Variants in STX12 observed in about 807,000 individuals in gnomAD.
STX12 encodes the protein syntaxin-12.
In STX12, 17 loss-of-function variants were observed where a neutral mutation model predicts 42.2. That is an observed-to-expected ratio of 0.40 (90% confidence interval 0.28 to 0.60). The LOEUF is 0.60. Among genes scored for constraint, STX12 ranks in the 20% least tolerant of loss-of-function variants. The pLI is 0.39. For synonymous variants in STX12, 108 were observed against 116.7 expected (o/e 0.93, Z 0.48); for missense variants, 297 against 330.9 (o/e 0.90, Z 0.79).
At chr1:27,776,545 C>T (rs935931116) in intron 1 of STX12, among the ~76,000 whole-genome samples, 5 of 151,906 alleles carry the variant, frequency 3.3e-5, no homozygotes, top group African/African-American at 1.2e-4. Context: ...GAGACCCCAT[C>T]TCTACAAAAA....
chr1:27,808,594 G>A (rs1046493718), intron 4 of STX12, among the ~76,000 whole-genome samples: 27 of 151,954 alleles, frequency 1.8e-4, no homozygotes, highest in Admixed American at 1.6e-3. Flanking sequence ...TGCCCACCTC[G>A]GCCTCTCAAA....
At position 27,822,595 on chromosome 1, in the gene STX12, G is replaced by A. The variant is rs192463885; in HGVS notation, c.*266G>A. ...GTATTCTGATTGCCCTTCATCCCAA[G>A]TGTTTACTGAAAATTCCATTCTAGA... On this transcript the variant is annotated 3_prime_UTR_variant, in exon 9 of 9. Coordinates refer to ENST00000373943, the MANE Select transcript of STX12 (RefSeq NM_177424.3). 1.9e-3 allele frequency: 591 copies of A among 310,314 alleles called. 5 individuals carry two copies. Among genetic ancestry groups the A allele is most frequent in the African/African-American group, 0.012 (547 of 47,480 alleles). 19.2% of individuals were successfully genotyped at this position (310,314 alleles called of 1,614,324 possible).
In STX12 at chr1:27,773,391, G is replaced by T; in HGVS notation, c.84G>T (p.Thr28=). 6.2e-7 allele frequency: 1 copy of T among 1,613,708 alleles called. No individual in the cohort carries two copies. Residue 28 remains threonine (T), a synonymous_variant, in exon 1 of 9, where the codon ACG becomes ACT. Coordinates refer to ENST00000373943, the MANE Select transcript of STX12 (RefSeq NM_177424.3). ...QLRDFSSIIQ[T]CSGNIQRISQ... ...GGGACTTCAGCAGCATCATCCAGACGTGCAGCGGCAACATCCAGCGGATCA... is the reference window on the plus strand; with the variant it reads ...GGGACTTCAGCAGCATCATCCAGACTTGCAGCGGCAACATCCAGCGGATCA...
At chr1:27,782,849 C>T in intron 1 of STX12, among the ~76,000 whole-genome samples, 1 of 152,030 alleles carries the variant, frequency 6.6e-6, no homozygotes, top group East Asian at 1.9e-4. Context: ...AAAAATGAAA[C>T]ATTTTTTAAA....
intron 3 of STX12, among the ~76,000 whole-genome samples, chr1:27,799,551 C>T (rs1036836236): frequency 2.0e-5 from 3 of 148,966 alleles, no homozygotes. Flanking sequence ...GGCGCGATCT[C>T]AGCTCACTGC....
At chr1:27,818,790 C>T (rs532317582) in intron 7 of STX12, among the ~76,000 whole-genome samples, 19 of 151,954 alleles carry the variant, frequency 1.3e-4, no homozygotes, top group Admixed American at 3.3e-4. Flanking sequence ...CCACCACGCC[C>T]GCTAATTTTG....
intron 3 of STX12, among the ~76,000 whole-genome samples, chr1:27,794,037 G>A (rs1033905948): frequency 1.4e-5 from 2 of 141,048 alleles, no homozygotes; most frequent in African/African-American, 2.7e-5. Flanking sequence ...TGTTGTTGTC[G>A]TTTTGGAGAC....
chr1:27,810,990 TATA>T (rs1297505832), intron 5 of STX12, among the ~76,000 whole-genome samples: 8 of 152,022 alleles, frequency 5.3e-5, no homozygotes, highest in Non-Finnish European at 1.2e-4. Flanking sequence ...TTATATCTAG[TATA>T]ATAAGTAATA....
chr1:27,781,281 C>T (rs917218724), intron 1 of STX12, among the ~76,000 whole-genome samples: 2 of 152,036 alleles, frequency 1.3e-5, no homozygotes, highest in African/African-American at 2.4e-5. Flanking sequence ...TGACGTCAGG[C>T]GATTTGCCCA....
intron 4 of STX12, among the ~76,000 whole-genome samples, chr1:27,804,810 CAA>C (rs975417288): frequency 1.1e-4 from 13 of 119,778 alleles, no homozygotes; most frequent in African/African-American, 9.4e-5. Flanking sequence ...GACTCCATCT[CAA>C]AAAAAAAAAA....
intron 1 of STX12, among the ~76,000 whole-genome samples, chr1:27,780,209 G>GT (rs199499561): frequency 0.053 from 6,610 of 125,856 alleles, 656 homozygotes; most frequent in African/African-American, 0.17. Context: ...TTCTTTGCTT[G>GT]TTTTTTTTTT....
chr1:27,776,079 A>G (rs2088626251), intron 1 of STX12, among the ~76,000 whole-genome samples: 1 of 152,212 alleles, frequency 6.6e-6, no homozygotes, highest in Admixed American at 6.5e-5. Context: ...TGTGAAAATG[A>G]AAAGAAAGGA....
At chr1:27,811,123 C>G (rs1174849999) in intron 5 of STX12, among the ~76,000 whole-genome samples, 1 of 151,474 alleles carries the variant, frequency 6.6e-6, no homozygotes, top group African/African-American at 2.4e-5. Flanking sequence ...AGTTCGAGAC[C>G]AGCCTGGCCA....
Position 27,812,276 on chromosome 1 carries a change from C to T in STX12, c.576+8C>T. ...GCAATTCGGCAGCTGGAGGTGAGAGCCACGTCATGTTTTTTGTTTGACTCA... is the reference window on the plus strand; with the variant it reads ...GCAATTCGGCAGCTGGAGGTGAGAGTCACGTCATGTTTTTTGTTTGACTCA... On this transcript the variant is annotated splice_region_variant and intron_variant, in intron 6 of 8. Transcript: ENST00000373943. The T allele has an allele frequency of 1.9e-6, 3 of 1,550,364 alleles. No homozygotes were observed. Among genetic ancestry groups the T allele is most frequent in the Non-Finnish European group, 2.6e-6 (3 of 1,146,040 alleles).
intron 5 of STX12, among the ~76,000 whole-genome samples, chr1:27,811,112 G>T (rs1188642668): frequency 1.3e-5 from 2 of 151,824 alleles, no homozygotes; most frequent in Non-Finnish European, 2.9e-5. Flanking sequence ...CTGAGGTCAG[G>T]AGTTCGAGAC....
At chr1:27,776,515 A>C (rs1240898134) in intron 1 of STX12, among the ~76,000 whole-genome samples, 2 of 152,104 alleles carry the variant, frequency 1.3e-5, no homozygotes, top group Non-Finnish European at 2.9e-5. Context: ...GGAGTTTGAC[A>C]CTAGCCTGGA....
In STX12 at chr1:27,823,098, G is replaced by C. The variant is rs1221164885; in HGVS notation, c.*769G>C. On this transcript the variant is annotated 3_prime_UTR_variant, in exon 9 of 9. Coordinates refer to ENST00000373943, the MANE Select transcript of STX12 (RefSeq NM_177424.3). The stretch of plus-strand genomic sequence containing the variant: ...TCCCACCTGTCTGCATAGAAAGGCA[G>C]AATTAGACATAGCATGCTTTGGAAA... 6.6e-6 allele frequency: 1 copy of C among 152,202 alleles called. No individual in the cohort carries two copies. The highest frequency in any genetic ancestry group is 1.5e-5 in the Non-Finnish European group (1 of 68,030). The allele number at this position is 152,202 out of a possible 1,614,324, so 9.4% of individuals were successfully genotyped here.
rs2088998261 is a variant in STX12, at chr1:27,823,330, A to G, written c.*1001A>G. On this transcript the variant is annotated 3_prime_UTR_variant, in exon 9 of 9. Transcript: ENST00000373943. ...AATTATTCCTGTAAACCAACAATAA[A>G]GCAAAGAAGAGGTTCATTTTTGTAA... 1 of 152,668 alleles carries G rather than the reference A, an allele frequency of 6.6e-6. No individual in the cohort carries two copies. The highest frequency in any genetic ancestry group is 6.5e-5 in the Admixed American group (1 of 15,278). The allele number at this position is 152,668 out of a possible 1,614,324, so 9.5% of individuals were successfully genotyped here.
At chr1:27,796,994 C>T (rs1037023302) in intron 3 of STX12, among the ~76,000 whole-genome samples, 30 of 151,928 alleles carry the variant, frequency 2.0e-4, no homozygotes, top group African/African-American at 6.3e-4. Flanking sequence ...CATGAGCCAC[C>T]GCACCTGGCC....
Sources: gnomAD v4.1 joint callset for allele counts (sites outside exome capture counted in the v4.1 genomes callset) on GRCh38, gnomAD v4.1.1 for gene constraint, MANE v1.5 for transcripts, NCBI Gene and HGNC (gene_info 2026-07-23, HGNC 2026-07-21) for gene names.